The following SLC22A24 variants were observed in gnomAD, a reference collection of about 807,000 sequenced individuals.
SLC22A24 encodes the protein solute carrier family 22 member 24, also known as steroid transmembrane transporter SLC22A24.
A neutral mutation model predicts 49.8 loss-of-function variants in SLC22A24; 53 were observed. The observed-to-expected ratio is 1.06, with a 90% confidence interval of 0.85 to 1.34. The LOEUF (loss-of-function observed/expected upper bound fraction) is 1.34, where lower values mean the gene tolerates loss of function less well. Among genes scored for constraint, SLC22A24 ranks in the 40% most tolerant of loss-of-function variants. The pLI, the probability that SLC22A24 is intolerant of heterozygous loss-of-function variation, is 0.00. For missense variants in SLC22A24, 786 were observed against 675.9 expected (o/e 1.16, Z -1.81); for synonymous variants, 302 against 256.4 (o/e 1.18, Z -1.70).
At chr11:63,104,084 C>G in intron 5 of SLC22A24, 91 bp downstream of exon 5, 1 of 1,348,438 alleles carries the variant, frequency 7.4e-7, no homozygotes, top group Non-Finnish European at 1.0e-6. Context: ...TCACAGAAGT[C>G]TAATTCTGTC....
intron 4 of SLC22A24, among the ~76,000 whole-genome samples, chr11:63,108,099 A>G (rs896660078): frequency 2.6e-5 from 4 of 152,106 alleles, no homozygotes; most frequent in African/African-American, 7.2e-5. Context: ...TTATTTTGAG[A>G]TACATCCCAT....
intron 4 of SLC22A24, among the ~76,000 whole-genome samples, chr11:63,114,095 T>G (rs749210236): frequency 7.9e-5 from 12 of 152,298 alleles, no homozygotes; most frequent in Non-Finnish European, 1.6e-4. Flanking sequence ...ATTTCCTGAA[T>G]TTGAATGTTG....
intron 4 of SLC22A24, among the ~76,000 whole-genome samples, chr11:63,106,266 C>A (rs1164484801): frequency 6.6e-6 from 1 of 152,072 alleles, no homozygotes; most frequent in Admixed American, 6.6e-5. Flanking sequence ...ATGAACTCAT[C>A]ATTTTTTATG....
chr11:63,110,201 A>G (rs1349196988), intron 4 of SLC22A24, among the ~76,000 whole-genome samples: 3 of 151,082 alleles, frequency 2.0e-5, no homozygotes, highest in East Asian at 2.0e-4. Context: ...TGTTCCATTG[A>G]TCTATATCTC....
intron 1 of SLC22A24, among the ~76,000 whole-genome samples, chr11:63,136,810 G>A (rs903076831): frequency 1.3e-5 from 2 of 152,186 alleles, no homozygotes; most frequent in African/African-American, 2.4e-5. Flanking sequence ...CCAAGTGGTC[G>A]CCTAGTTCTC....
chr11:63,126,088 A>C (rs942512991), intron 2 of SLC22A24, among the ~76,000 whole-genome samples: 1 of 151,780 alleles, frequency 6.6e-6, no homozygotes. Context: ...GATTGCAAAA[A>C]TTTTCTCCCA....
intron 7 of SLC22A24, among the ~76,000 whole-genome samples, 177 bp from the exon 8 acceptor site, chr11:63,081,843 G>A (rs990236340): frequency 1.3e-5 from 2 of 152,168 alleles, no homozygotes; most frequent in Admixed American, 1.3e-4. Flanking sequence ...CTGTAAAATG[G>A]TAGGGCTTAA....
chr11:63,095,268 T>C (rs2087046823), intron 6 of SLC22A24, among the ~76,000 whole-genome samples: 1 of 152,110 alleles, frequency 6.6e-6, no homozygotes, highest in Admixed American at 6.6e-5. Context: ...TAGCCAAATA[T>C]ACATGTGCCT....
Position 63,082,581 on chromosome 11 carries a change from C to T in SLC22A24, c.1285+662G>A, listed in dbSNP as rs1421174197. ...TTAGGAAAGTGGATTTTAAGAGAGG[C>T]TGGGTCAGCTTCTTAATCTGTTCCT... On this transcript the variant is annotated intron_variant, in intron 7 of 9. Coordinates refer to ENST00000612278, the MANE Select transcript of SLC22A24 (RefSeq NM_001136506.2). Among the ~76,000 whole-genome samples, 5 of 152,172 alleles carry T rather than the reference C, an allele frequency of 3.3e-5. No individual in the cohort carries two copies. The South Asian group carries it at 1.0e-3, about 32-fold the overall frequency.
At chr11:63,104,631 T>C (rs1237619414) in intron 4 of SLC22A24, among the ~76,000 whole-genome samples, 1 of 152,102 alleles carries the variant, frequency 6.6e-6, no homozygotes, top group Non-Finnish European at 1.5e-5. Context: ...CTCAGAATCA[T>C]GGTGGCATGT....
intron 2 of SLC22A24, among the ~76,000 whole-genome samples, chr11:63,132,688 G>T (rs541003074): frequency 1.8e-4 from 28 of 152,234 alleles, no homozygotes; most frequent in African/African-American, 6.7e-4. Flanking sequence ...CTTCCCAGAG[G>T]AGCACCCACC....
intron 4 of SLC22A24, among the ~76,000 whole-genome samples, chr11:63,105,194 T>C (rs995091528): frequency 6.6e-6 from 1 of 152,200 alleles, no homozygotes; most frequent in Non-Finnish European, 1.5e-5. Flanking sequence ...GTACAGCCCC[T>C]CTACTGGATG....
chr11:63,088,180 G>T (rs2086998654), intron 6 of SLC22A24, among the ~76,000 whole-genome samples: 1 of 152,200 alleles, frequency 6.6e-6, no homozygotes, highest in African/African-American at 2.4e-5. Flanking sequence ...GAGAGCTCCA[G>T]TTGGCATCAG....
At chr11:63,088,371 A>ACAACTTCAACAT (rs141834296) in intron 6 of SLC22A24, among the ~76,000 whole-genome samples, 10 of 151,016 alleles carry the variant, frequency 6.6e-5, no homozygotes, top group Non-Finnish European at 1.5e-4. Context: ...ACAGAAAGCT[A>ACAACTTCAACAT]CAACATCAAC....
chr11:63,107,574 T>C (rs564589006), intron 4 of SLC22A24, among the ~76,000 whole-genome samples: 2 of 152,290 alleles, frequency 1.3e-5, no homozygotes, highest in East Asian at 1.9e-4. Flanking sequence ...GCATGGAATG[T>C]TTTTCCACTT....
chr11:63,089,749 T>C (rs2087007266), intron 6 of SLC22A24, among the ~76,000 whole-genome samples: 1 of 151,990 alleles, frequency 6.6e-6, no homozygotes, highest in African/African-American at 2.4e-5. Context: ...AATCTTAGTC[T>C]CTGATAAAAC....
intron 1 of SLC22A24, among the ~76,000 whole-genome samples, chr11:63,139,161 A>G (rs2087396806): frequency 6.6e-6 from 1 of 152,138 alleles, no homozygotes; most frequent in Admixed American, 6.5e-5. Flanking sequence ...TTCTCAGTCA[A>G]CTGAAATATT....
intron 6 of SLC22A24, among the ~76,000 whole-genome samples, chr11:63,087,441 C>T (rs1297880519): frequency 6.6e-6 from 1 of 152,158 alleles, no homozygotes; most frequent in Non-Finnish European, 1.5e-5. Flanking sequence ...CAGGAGATTC[C>T]CTCGTGTGCC....
intron 2 of SLC22A24, among the ~76,000 whole-genome samples, chr11:63,127,735 A>G (rs1308041315): frequency 6.6e-6 from 1 of 152,156 alleles, no homozygotes; most frequent in Non-Finnish European, 1.5e-5. Flanking sequence ...ACTAGTGATG[A>G]TGAACATTTT....
Sources: gnomAD v4.1 joint callset for allele counts (sites outside exome capture counted in the v4.1 genomes callset) on GRCh38, gnomAD v4.1.1 for gene constraint, MANE v1.5 for transcripts, NCBI Gene and HGNC (gene_info 2026-07-23, HGNC 2026-07-21) for gene names.